Variants in PARVB observed in about 807,000 individuals in gnomAD.
PARVB encodes parvin beta.
A neutral mutation model predicts 47.0 loss-of-function variants in PARVB; 46 were observed. The ratio of observed to expected loss-of-function variants is 0.98; its 90% CI spans 0.77 to 1.25. PARVB has a LOEUF of 1.25. Among genes scored for constraint, PARVB ranks in the 50% most tolerant of loss-of-function variants. The pLI is 0.00. For missense variants in PARVB, 473 were observed against 471.6 expected, an observed-to-expected ratio of 1.00 and a Z score of -0.03; for synonymous variants, 196 against 196.3, an observed-to-expected ratio of 1.00 and a Z score of 0.01.
Position 44,122,530 on chromosome 22 carries a change from G to GAGAGAC in PARVB, c.376+3395_376+3396insCAGAGA, listed in dbSNP as rs1569134362. 4.1e-4 allele frequency among the ~76,000 whole-genome samples: 33 copies of GAGAGAC among 80,274 alleles called. 1 individual carries two copies. The highest frequency in any genetic ancestry group is 1.7e-3 in the African/African-American group (28 of 16,110). 52.7% of individuals were successfully genotyped at this position (80,274 alleles called of 152,430 possible). ...AGAGAGAGAGAGAGACAGAGAGACAGAGAGAGAGAGAGAGAGAGAGAGACA... is the reference window on the plus strand; with the variant it reads ...AGAGAGAGAGAGAGACAGAGAGACAGAGAGACAGAGAGAGAGAGAGAGAGAGAGACA... On this transcript the variant is annotated intron_variant, in intron 4 of 12. Transcript: ENST00000338758.
chr22:44,119,115 C>A lies in PARVB; in HGVS notation c.351C>A (p.Asp117Glu), dbSNP rs76348360. 1 of 1,613,360 alleles carries A rather than the reference C, an allele frequency of 6.2e-7. No individual in the cohort carries two copies. The highest frequency in any genetic ancestry group is 2.2e-5 in the East Asian group (1 of 44,892). ...AGCAGCTGGAGGAAGACCTGTATGA[C>A]GGCCAGGTGCTGCAGAAGCTCTTGG... is the stretch of plus-strand genomic sequence containing the variant. Reference protein sequence around the residue: ...IVKQLEEDLYDGQVLQKLLEK... With the variant: ...IVKQLEEDLYEGQVLQKLLEK... Residue 117 changes from aspartate to glutamate, a missense_variant, in exon 4 of 13, where the codon GAC becomes GAA. Physicochemically the swap from Asp to Glu is conservative, Grantham distance 45 (BLOSUM62 2). Transcript: ENST00000338758.
intron 3 of PARVB, chr22:44,106,376 G>C (rs2052569496): frequency 6.6e-6 from 1 of 152,160 alleles, no homozygotes. Flanking sequence ...TGTGTACTGT[G>C]GACTGTGATG....
chr22:44,018,948 G>A lies in PARVB; in HGVS notation c.211+19275G>A, dbSNP rs553876438. Among the ~76,000 whole-genome samples, 23 of 152,182 alleles carry A rather than the reference G, an allele frequency of 1.5e-4. No homozygotes were observed. The East Asian group carries it at 1.7e-3, about 11-fold the overall frequency. ...TTTATTTATTTAGAGACAAAGTCTC[G>A]CTCTTGTCCCCCAGGCTGGAGTGCA... On this transcript the variant is annotated intron_variant, in intron 2 of 13. Coordinates refer to the PARVB transcript ENST00000406477.
Position 44,093,984 on chromosome 22 carries a change from C to T in PARVB, c.169C>T (p.Leu57=), listed in dbSNP as rs1427957721. ...NAINSPMSPA[L]VDVHPEDTQL... ...CATCAACTCACCGATGTCCCCCGCC[C>T]TGGTGGATGTTCACCCTGAAGACAC... Residue 57 remains leucine (L), a synonymous_variant, in exon 2 of 13, where the codon CTG becomes TTG. Coordinates refer to ENST00000338758, the MANE Select transcript of PARVB (RefSeq NM_013327.5). 1 of 1,613,158 alleles carries T rather than the reference C, an allele frequency of 6.2e-7. No individual in the cohort carries two copies. The highest frequency in any genetic ancestry group is 1.1e-5 in the South Asian group (1 of 91,058).
chr22:44,011,079 C>T (rs573899554), intron 2 of PARVB, among the ~76,000 whole-genome samples: 21 of 152,176 alleles, frequency 1.4e-4, no homozygotes, highest in African/African-American at 4.8e-4. Context: ...CCGCCTCGGC[C>T]TCCCAAAGTG....
At chr22:44,002,079 A>G (rs1569042718) in intron 2 of PARVB, among the ~76,000 whole-genome samples, 1 of 152,266 alleles carries the variant, frequency 6.6e-6, no homozygotes, top group Non-Finnish European at 1.5e-5. Context: ...ATTCTCTGCC[A>G]GGGTGCAGGC....
chr22:44,146,167 AC>A, intron 8 of PARVB: 1 of 145,274 alleles, frequency 6.9e-6, no homozygotes, highest in Admixed American at 6.9e-5. Context: ...ACACGTGTAC[AC>A]ACGCTCACAC....
At chr22:44,161,984 G>A (rs560978835) in intron 11 of PARVB, among the ~76,000 whole-genome samples, 71 of 152,250 alleles carry the variant, frequency 4.7e-4, no homozygotes, top group Non-Finnish European at 8.4e-4. Flanking sequence ...TCTGGAGCAG[G>A]GTCTCCGTCT....
chr22:44,083,780 G>A (rs774494656), intron 1 of PARVB, among the ~76,000 whole-genome samples: 7 of 152,128 alleles, frequency 4.6e-5, no homozygotes, highest in African/African-American at 1.2e-4. Flanking sequence ...AAGGTTTTGC[G>A]TTTTACCCTG....
chr22:44,132,462 G>A (rs192722734), intron 5 of PARVB, among the ~76,000 whole-genome samples: 5 of 152,286 alleles, frequency 3.3e-5, no homozygotes, highest in Middle Eastern at 3.4e-3. Context: ...AGTGGCCTCT[G>A]CTCTTGGCAG....
intron 1 of PARVB, among the ~76,000 whole-genome samples, chr22:44,032,116 T>C (rs530253721): frequency 1.3e-4 from 20 of 152,358 alleles, no homozygotes; most frequent in African/African-American, 4.8e-4. Flanking sequence ...TACTAATTGC[T>C]GTCTTGGTAA....
chr22:44,006,505 G>A (rs1198555849), intron 2 of PARVB, among the ~76,000 whole-genome samples: 2 of 152,188 alleles, frequency 1.3e-5, no homozygotes, highest in African/African-American at 4.8e-5. Context: ...TGCGCCTGTA[G>A]TCCCAGCTAC....
intron 1 of PARVB, among the ~76,000 whole-genome samples, chr22:44,082,550 C>A (rs896226068): frequency 1.3e-5 from 2 of 152,004 alleles, no homozygotes; most frequent in Non-Finnish European, 2.9e-5. Flanking sequence ...AAACAAAAAA[C>A]AAAAACTGAC....
chr22:43,999,503 A>T, intron 1 of PARVB: 1 of 1,563,168 alleles, frequency 6.4e-7, no homozygotes, highest in Admixed American at 1.7e-5. Context: ...ACTGGATCCG[A>T]CAAACAAAAA....
At chr22:44,077,972 G>T (rs1057108155) in intron 1 of PARVB, among the ~76,000 whole-genome samples, 1 of 152,050 alleles carries the variant, frequency 6.6e-6, no homozygotes, top group Non-Finnish European at 1.5e-5. Flanking sequence ...TGCTGGGATT[G>T]TAGGCAGGGG....
chr22:44,077,020 C>T (rs1264417485), intron 1 of PARVB, among the ~76,000 whole-genome samples: 2 of 152,180 alleles, frequency 1.3e-5, no homozygotes. Context: ...AGTATGGGTC[C>T]TGTGCCTGCC....
chr22:44,010,362 C>G (rs577830726), intron 2 of PARVB: 3 of 152,352 alleles, frequency 2.0e-5, no homozygotes, highest in Non-Finnish European at 4.4e-5. Context: ...CAGGGTGTCT[C>G]ATAATGTTCC....
intron 10 of PARVB, among the ~76,000 whole-genome samples, chr22:44,154,856 CTG>C (rs965202992): frequency 6.5e-5 from 8 of 122,914 alleles, no homozygotes; most frequent in Admixed American, 3.6e-4. Context: ...TTTATGCAGT[CTG>C]TGGTGGGGGT....
chr22:44,009,071 A>C lies in PARVB; in HGVS notation c.211+9398A>C, dbSNP rs2050496603. Among the ~76,000 whole-genome samples, 10 of 152,372 alleles carry C rather than the reference A, an allele frequency of 6.6e-5. No individual in the cohort carries two copies. The South Asian group carries it at 2.1e-3, about 32-fold the overall frequency. ...ATTTAAGTAGCAGTGATGTTTGAAT[A>C]GTCTTTTCATGCCTTCCCTTTTACT... is the stretch of plus-strand genomic sequence containing the variant. On this transcript the variant is annotated intron_variant, in intron 2 of 13. Coordinates refer to the PARVB transcript ENST00000406477.
Sources: gnomAD v4.1 joint callset for allele counts (sites outside exome capture counted in the v4.1 genomes callset) on GRCh38, gnomAD v4.1.1 for gene constraint, MANE v1.5 for transcripts, NCBI Gene and HGNC (gene_info 2026-07-23, HGNC 2026-07-21) for gene names.